Variants in TNKS observed in about 807,000 individuals in gnomAD.
The protein encoded by TNKS is tankyrase.
In TNKS, 72 loss-of-function variants were observed where a neutral mutation model predicts 135.8. That is an observed-to-expected ratio of 0.53 (90% CI 0.44 to 0.64). The LOEUF is 0.64. Among genes scored for constraint, TNKS ranks in the 30% least tolerant of loss-of-function variants. The pLI, the probability that TNKS is intolerant of heterozygous loss-of-function variation, is 0.00. For synonymous variants in TNKS, 849 were observed against 649.3 expected, an observed-to-expected ratio of 1.31 and a Z score of -4.68; for missense variants, 1,769 against 1,674.0, an observed-to-expected ratio of 1.06 and a Z score of -0.99.
chr8:9,617,571 T>G (rs1320107668), intron 3 of TNKS, among the ~76,000 whole-genome samples: 1 of 152,188 alleles, frequency 6.6e-6, no homozygotes, highest in East Asian at 1.9e-4. Flanking sequence ...GAAATAACAC[T>G]TAGGTGAAAT....
chr8:9,686,404 C>T (rs994672354), intron 5 of TNKS, among the ~76,000 whole-genome samples: 2 of 152,144 alleles, frequency 1.3e-5, no homozygotes, highest in African/African-American at 4.8e-5. Context: ...ATCCTAGCAC[C>T]GTAGCTCATA....
chr8:9,635,413 T>C (rs1800473012), intron 3 of TNKS, among the ~76,000 whole-genome samples: 1 of 152,128 alleles, frequency 6.6e-6, no homozygotes, highest in Non-Finnish European at 1.5e-5. Context: ...CTAATCAATG[T>C]GGAGGGACTG....
At chr8:9,776,559 G>C (rs533491386) in intron 26 of TNKS, 91 bp from the exon 27 acceptor site, 1 of 1,214,530 alleles carries the variant, frequency 8.2e-7, no homozygotes, top group Non-Finnish European at 1.2e-6. Context: ...TATTGGTCAC[G>C]ATTAACAGCC....
At chr8:9,650,105 T>C (rs937776184) in intron 3 of TNKS, among the ~76,000 whole-genome samples, 2 of 152,022 alleles carry the variant, frequency 1.3e-5, no homozygotes, top group South Asian at 4.1e-4. Flanking sequence ...TTGCCCAGGC[T>C]GGTTTCAAAT....
At chr8:9,608,730 T>C (rs1031335278) in intron 2 of TNKS, among the ~76,000 whole-genome samples, 4 of 152,220 alleles carry the variant, frequency 2.6e-5, no homozygotes, top group African/African-American at 9.6e-5. Context: ...TTTGGATTTC[T>C]GTCTTCTCAG....
At chr8:9,724,888 C>A (rs1159206203) in intron 12 of TNKS, among the ~76,000 whole-genome samples, 2 of 152,110 alleles carry the variant, frequency 1.3e-5, no homozygotes, top group African/African-American at 4.8e-5. Context: ...TCAAATAGTT[C>A]TTAGATTTCA....
At chr8:9,569,484 G>T (rs994815739) in intron 1 of TNKS, among the ~76,000 whole-genome samples, 1 of 152,148 alleles carries the variant, frequency 6.6e-6, no homozygotes, top group African/African-American at 2.4e-5. Flanking sequence ...GTACTATTTT[G>T]TGGGAGATTC....
chr8:9,766,703 C>G (rs989721527), intron 25 of TNKS, among the ~76,000 whole-genome samples: 32 of 152,104 alleles, frequency 2.1e-4, no homozygotes, highest in Admixed American at 2.1e-3. Context: ...CCAAGCTGGT[C>G]TCGAACTCCT....
rs536660292 is a variant in TNKS at position 9,591,697 on chromosome 8, A to C, written c.898+11314A>C. Among the ~76,000 whole-genome samples, 12 of 152,276 alleles carry C rather than the reference A, an allele frequency of 7.9e-5. No homozygotes were observed. In the South Asian group the frequency reaches 2.5e-3, roughly 32 times the overall value. On this transcript the variant is annotated intron_variant, in intron 2 of 26. Transcript: ENST00000310430. ...GTGTGTATTGTGAATGCTATTTCCC[A>C]ATCTTTGCTTTGCTTTTCGTTTTCT... is the stretch of plus-strand genomic sequence containing the variant.
chr8:9,700,956 C>T (rs1368600803), intron 5 of TNKS, among the ~76,000 whole-genome samples: 3 of 142,118 alleles, frequency 2.1e-5, no homozygotes, highest in Admixed American at 7.2e-5. Flanking sequence ...TTTTTTGAGA[C>T]GGAGTCTTGC....
intron 5 of TNKS, among the ~76,000 whole-genome samples, chr8:9,681,662 A>T (rs1332472072): frequency 6.6e-6 from 1 of 152,134 alleles, no homozygotes; most frequent in African/African-American, 2.4e-5. Flanking sequence ...AATTCTTTTG[A>T]AATTATTTAC....
intron 25 of TNKS, among the ~76,000 whole-genome samples, chr8:9,767,359 A>C (rs1159764990): frequency 1.3e-5 from 2 of 152,216 alleles, no homozygotes; most frequent in Admixed American, 1.3e-4. Context: ...AAAGAATTAT[A>C]CTGTACAAAG....
chr8:9,595,181 T>G lies in TNKS; in HGVS notation c.898+14798T>G, dbSNP rs371422140. On this transcript the variant is annotated intron_variant, in intron 2 of 26. Transcript: ENST00000310430. ...GTGTTGTCCAGGCTGGAGTGCAATG[T>G]GTGATCTCGGCTCACTGCAACCTCT... Among the ~76,000 whole-genome samples the G allele has an allele frequency of 3.3e-5, 5 of 151,876 alleles. No homozygotes were observed. In the East Asian group the frequency reaches 7.7e-4, roughly 23 times the overall value.
At position 9,687,713 on chromosome 8, in the gene TNKS, G is replaced by C. The variant is rs1222933326; in HGVS notation, c.1107+6913G>C. On this transcript the variant is annotated intron_variant, in intron 5 of 26. Transcript: ENST00000310430. ...TTAGCCACTCTCCTAGCTTTGAATT[G>C]TCCTGCCTTCCTATCCAGAAGCACA... Among the ~76,000 whole-genome samples, 3 of 152,170 alleles carry C rather than the reference G, an allele frequency of 2.0e-5. No individual in the cohort carries two copies. The East Asian group carries it at 5.8e-4, about 29-fold the overall frequency.
At chr8:9,692,191 T>C (rs2128802034) in intron 5 of TNKS, among the ~76,000 whole-genome samples, 1 of 152,322 alleles carries the variant, frequency 6.6e-6, no homozygotes, top group Admixed American at 6.5e-5. Context: ...CGGGTAGCCA[T>C]CCGGCCAACT....
At chr8:9,760,108 A>G (rs1010869283) in intron 20 of TNKS, among the ~76,000 whole-genome samples, 8 of 152,260 alleles carry the variant, frequency 5.3e-5, no homozygotes, top group Non-Finnish European at 8.8e-5. Context: ...AAAATGGGAC[A>G]TCAATAACAT....
intron 2 of TNKS, among the ~76,000 whole-genome samples, chr8:9,586,260 G>A (rs1343130715): frequency 6.6e-6 from 1 of 152,090 alleles, no homozygotes; most frequent in East Asian, 1.9e-4. Flanking sequence ...TGGCTTCTTA[G>A]GGGAAATTAA....
chr8:9,630,199 G>C (rs996516678), intron 3 of TNKS, among the ~76,000 whole-genome samples: 1 of 152,080 alleles, frequency 6.6e-6, no homozygotes, highest in Admixed American at 6.5e-5. Flanking sequence ...ATAACAAGTC[G>C]ATTTTTTTCT....
intron 3 of TNKS, among the ~76,000 whole-genome samples, chr8:9,667,316 C>T (rs1048395021): frequency 6.6e-6 from 1 of 152,208 alleles, no homozygotes; most frequent in Non-Finnish European, 1.5e-5. Context: ...TCTCAGAACT[C>T]TCAGGATATA....
Sources: allele counts gnomAD v4.1 joint callset (sites outside exome capture counted in the v4.1 genomes callset), GRCh38; gene constraint gnomAD v4.1.1; transcripts MANE v1.5; gene names NCBI Gene and HGNC (gene_info 2026-07-23, HGNC 2026-07-21).